The following TRIO variants were observed in gnomAD, a reference collection of about 807,000 sequenced individuals.
TRIO encodes trio Rho guanine nucleotide exchange factor, also known as triple functional domain protein.
Under a neutral mutation model 351.9 loss-of-function variants are expected in TRIO, and 58 were observed. That is an observed-to-expected ratio of 0.16 (90% CI 0.13 to 0.21). The LOEUF (loss-of-function observed/expected upper bound fraction) is 0.21. TRIO is among the 10% of genes least tolerant of loss of function. TRIO has a pLI of 1.00. For synonymous variants in TRIO, 1,758 were observed against 1,595.7 expected, an observed-to-expected ratio of 1.10 and a Z score of -2.42; for missense variants, 3,201 against 4,027.8, an observed-to-expected ratio of 0.79 and a Z score of 5.56.
chr5:14,324,036 G>C (rs1002437094), intron 9 of TRIO, among the ~76,000 whole-genome samples: 2 of 152,138 alleles, frequency 1.3e-5, no homozygotes, highest in African/African-American at 4.8e-5. Context: ...CCATTGATTT[G>C]ATAGTCCAGA....
intron 1 of TRIO, among the ~76,000 whole-genome samples, chr5:14,219,459 G>T (rs141839308): frequency 3.8e-3 from 583 of 152,296 alleles, no homozygotes; most frequent in Non-Finnish European, 6.1e-3. Context: ...TTACCAACCC[G>T]TGTGGGAATG....
At chr5:14,144,235 C>T (rs1007069848) in intron 1 of TRIO, among the ~76,000 whole-genome samples, 5 of 152,024 alleles carry the variant, frequency 3.3e-5, no homozygotes, top group Non-Finnish European at 5.9e-5. Context: ...GCTGGAGGAC[C>T]GAGGAGGCGG....
intron 1 of TRIO, among the ~76,000 whole-genome samples, chr5:14,164,163 C>A (rs1788634728): frequency 6.6e-6 from 1 of 152,196 alleles, no homozygotes; most frequent in African/African-American, 2.4e-5. Context: ...ATTCACGTGA[C>A]TTAAATTCTT....
At chr5:14,482,869 C>T (rs1755637079) in intron 46 of TRIO, 96 bp downstream of exon 46, 16 of 1,190,118 alleles carry the variant, frequency 1.3e-5, no homozygotes, top group Middle Eastern at 3.2e-4. Context: ...CCTGATGCTT[C>T]GTTTAAGTAT....
chr5:14,407,432 T>A (rs74635661), intron 33 of TRIO, among the ~76,000 whole-genome samples: 1 of 152,220 alleles, frequency 6.6e-6, no homozygotes, highest in African/African-American at 2.4e-5. Context: ...CCTACCACAC[T>A]GAAGGCCTGG....
intron 37 of TRIO, among the ~76,000 whole-genome samples, chr5:14,466,951 T>A (rs1754306371): frequency 6.6e-6 from 1 of 152,208 alleles, no homozygotes; most frequent in African/African-American, 2.4e-5. Context: ...CAGGCGCTGT[T>A]CTAAGTGCTG....
Position 14,430,790 on chromosome 5 carries a change from A to G in TRIO, c.5203+10769A>G, listed in dbSNP as rs186420485. The stretch of plus-strand genomic sequence containing the variant: ...GAGTGCAGTGGCATGATCCCGGCTC[A>G]CCGCAATCTCCGCCTCCCGAGTTCA... On this transcript the variant is annotated intron_variant, in intron 34 of 56. Transcript: ENST00000344204. Among the ~76,000 whole-genome samples, 107 of 152,134 alleles carry G rather than the reference A, an allele frequency of 7.0e-4. No homozygotes were observed. The Middle Eastern group carries it at 0.01, about 15-fold the overall frequency.
chr5:14,405,896 G>A lies in TRIO; in HGVS notation c.4765G>A (p.Val1589Ile), dbSNP rs1333857941. Residue 1589 changes from valine to isoleucine, a missense_variant, in exon 32 of 57, where the codon GTC becomes ATC. Physicochemically the swap from Val to Ile is conservative, Grantham distance 29. This residue lies in a region of TRIO where 136 missense variants were observed against 229.5 expected (regional missense o/e 0.59). Coordinates refer to ENST00000344204, the MANE Select transcript of TRIO (RefSeq NM_007118.4). Reference protein sequence around the residue: ...KQDWIKHIREVIQERTIHLKG... With the variant: ...KQDWIKHIREIIQERTIHLKG... ...GGACTGGATAAAGCATATCCGCGAA[G>A]TCATCCAGGAGCGGACGATCCACCT... 2.5e-6 allele frequency: 4 copies of A among 1,613,994 alleles called. No individual in the cohort carries two copies. Among genetic ancestry groups the A allele is most frequent in the Non-Finnish European group, 3.4e-6 (4 of 1,180,012 alleles).
intron 11 of TRIO, among the ~76,000 whole-genome samples, chr5:14,347,842 C>T (rs1231556981): frequency 3.3e-5 from 5 of 152,188 alleles, no homozygotes; most frequent in Admixed American, 6.5e-5. Flanking sequence ...CTGTCAGATA[C>T]GTCAGGTGCT....
At chr5:14,395,406 T>C (rs960267491) in intron 28 of TRIO, among the ~76,000 whole-genome samples, 1 of 152,258 alleles carries the variant, frequency 6.6e-6, no homozygotes, top group Non-Finnish European at 1.5e-5. Context: ...GGATTTTGTT[T>C]TCAGCATGTA....
chr5:14,347,340 G>T (rs897388499), intron 11 of TRIO, among the ~76,000 whole-genome samples: 6 of 126,740 alleles, frequency 4.7e-5, no homozygotes, highest in African/African-American at 1.8e-4. Flanking sequence ...GTCATCTCAG[G>T]TGGACCTGAG....
intron 1 of TRIO, among the ~76,000 whole-genome samples, chr5:14,199,299 T>C (rs1790967024): frequency 2.0e-5 from 3 of 151,980 alleles, no homozygotes; most frequent in Admixed American, 1.3e-4. Flanking sequence ...GTATTTATAT[T>C]AATGGAATTT....
At chr5:14,328,538 A>G (rs1397549713) in intron 9 of TRIO, among the ~76,000 whole-genome samples, 1 of 152,276 alleles carries the variant, frequency 6.6e-6, no homozygotes, top group East Asian at 1.9e-4. Flanking sequence ...AATGGACTCA[A>G]TACTCTAGTT....
rs548426871 is a variant in TRIO, at chr5:14,251,537, C to T, written c.158-19288C>T. 1.8e-4 allele frequency among the ~76,000 whole-genome samples: 27 copies of T among 152,336 alleles called. 1 individual carries two copies. In the South Asian group the frequency reaches 5.4e-3, roughly 30 times the overall value. ...CGCTGGGCCTGTGCATCTGTTCCTC[C>T]CTCTCCACAGCCACCTGCAGCCTTG... On this transcript the variant is annotated intron_variant, in intron 1 of 56. Transcript: ENST00000344204.
At position 14,405,833 on chromosome 5, in the gene TRIO, T is replaced by A; in HGVS notation, c.4717-15T>A. 1.2e-6 allele frequency: 2 copies of A among 1,613,158 alleles called. No homozygotes were observed. The highest frequency in any genetic ancestry group is 1.7e-6 in the Non-Finnish European group (2 of 1,179,238). On this transcript the variant is annotated splice_polypyrimidine_tract_variant and intron_variant, in intron 31 of 56. Transcript: ENST00000344204. The stretch of plus-strand genomic sequence containing the variant: ...GGCCGTTCCGTATCCTAAGCAACGC[T>A]AACACCTTGTTAAGGCTTCCAGCAT...
chr5:14,369,032 C>T (rs1370705387), intron 17 of TRIO, 133 bp downstream of exon 17: 2 of 1,122,066 alleles, frequency 1.8e-6, no homozygotes, highest in African/African-American at 3.1e-5. Context: ...AGGGAAAAGG[C>T]ATTCTGGAGT....
At chr5:14,409,727 C>T (rs1156427174) in intron 33 of TRIO, among the ~76,000 whole-genome samples, 1 of 150,586 alleles carries the variant, frequency 6.6e-6, no homozygotes, top group African/African-American at 2.4e-5. Context: ...CCCAGCTACT[C>T]GGGAGGCTGA....
intron 3 of TRIO, 92 bp downstream of exon 3, chr5:14,280,528 G>T: frequency 9.5e-7 from 1 of 1,057,488 alleles, no homozygotes; most frequent in South Asian, 1.3e-5. Flanking sequence ...ATTGTAGCCT[G>T]CATTCCAGGC....
chr5:14,389,542 A>G (rs1746866040), intron 25 of TRIO, 144 bp downstream of exon 25: 2 of 569,720 alleles, frequency 3.5e-6, no homozygotes, highest in African/African-American at 2.0e-5. Context: ...TCTTTCTCCA[A>G]AAAGACTGAC....
Sources: gnomAD v4.1 joint callset for allele counts (sites outside exome capture counted in the v4.1 genomes callset) on GRCh38, gnomAD v4.1.1 for gene constraint, gnomAD v4.1.1 regional missense constraint, MANE v1.5 for transcripts, NCBI Gene and HGNC (gene_info 2026-07-23, HGNC 2026-07-21) for gene names.